MORC3: variants seen among roughly 807,000 people sequenced by gnomAD.
MORC3 encodes MORC family CW-type zinc finger 3.
In MORC3, 31 loss-of-function variants were observed where a neutral mutation model predicts 109.1. The observed-to-expected ratio is 0.28, with a 90% CI of 0.21 to 0.38. MORC3 has a LOEUF of 0.38. Among genes scored for constraint, MORC3 ranks in the 10% least tolerant of loss-of-function variants. MORC3 has a pLI of 1.00. For synonymous variants in MORC3, 395 were observed against 380.7 expected (o/e 1.04, Z -0.44); for missense variants, 867 against 1,135.8 (o/e 0.76, Z 3.40).
intron 2 of MORC3, 86 bp downstream of exon 2, chr21:36,333,804 A>G (rs981323250): frequency 1.8e-6 from 2 of 1,117,728 alleles, no homozygotes; most frequent in East Asian, 2.4e-5. Context: ...TTTTTTTTAA[A>G]CAGAGTCTCT....
At chr21:36,344,255 G>A (rs2085483718) in intron 6 of MORC3, among the ~76,000 whole-genome samples, 2 of 150,252 alleles carry the variant, frequency 1.3e-5, no homozygotes, top group African/African-American at 2.4e-5. Flanking sequence ...GTACCTTTTT[G>A]TACATATATA....
chr21:36,343,710 G>A (rs996910301), intron 6 of MORC3, among the ~76,000 whole-genome samples: 118 of 152,002 alleles, frequency 7.8e-4, no homozygotes, highest in Non-Finnish European at 2.9e-4. Context: ...GCCTCCCAAA[G>A]TGCTGGGATT....
At chr21:36,340,748 T>C (rs533996902) in intron 5 of MORC3, among the ~76,000 whole-genome samples, 10 of 151,898 alleles carry the variant, frequency 6.6e-5, no homozygotes, top group Non-Finnish European at 1.3e-4. Context: ...GCGATTCTGC[T>C]GCCTCATCCT....
chr21:36,346,761 A>T lies in MORC3; in HGVS notation c.1005+1730A>T, dbSNP rs182014483. On this transcript the variant is annotated intron_variant, in intron 8 of 16. Coordinates refer to ENST00000400485, the MANE Select transcript of MORC3 (RefSeq NM_015358.3). The stretch of plus-strand genomic sequence containing the variant: ...GAAGTTGAGGCTGTAGTGAGCCAAA[A>T]TTGTGCCTCTGCTTTTCAGTCTAGG... Among the ~76,000 whole-genome samples, 40 of 151,928 alleles carry T rather than the reference A, an allele frequency of 2.6e-4. 1 individual carries two copies. In the East Asian group the frequency reaches 5.5e-3, roughly 21 times the overall value.
chr21:36,337,434 T>C (rs980636716), intron 3 of MORC3, among the ~76,000 whole-genome samples: 6 of 152,188 alleles, frequency 3.9e-5, no homozygotes, highest in African/African-American at 1.4e-4. Context: ...GTTTGCATGT[T>C]AGTACTTGTG....
chr21:36,345,927 T>G (rs1167928679), intron 8 of MORC3, among the ~76,000 whole-genome samples: 1 of 152,100 alleles, frequency 6.6e-6, no homozygotes, highest in Non-Finnish European at 1.5e-5. Flanking sequence ...CTGCAGCCTC[T>G]GACTCCCAGG....
At chr21:36,324,379 GC>G (rs2085226020) in intron 1 of MORC3, among the ~76,000 whole-genome samples, 1 of 151,258 alleles carries the variant, frequency 6.6e-6, no homozygotes, top group East Asian at 2.0e-4. Context: ...CCAGGTTCAC[GC>G]CATTCTCCTG....
Position 36,337,804 on chromosome 21 carries a change from G to T in MORC3, c.318G>T (p.Ser106=). The change falls in exon 4 of 17, where the codon TCG becomes TCT. Residue 106 remains serine, a synonymous_variant. Coordinates refer to ENST00000400485, the MANE Select transcript of MORC3 (RefSeq NM_015358.3). Reference sequence around the variant, plus strand: ...GATTATATGGGAATGGCTTCAAGTCGGGTTCTATGCGTCTGGGTAAAGACG... The same window carrying T: ...GATTATATGGGAATGGCTTCAAGTCTGGTTCTATGCGTCTGGGTAAAGACG... ...PVGLYGNGFK[S]GSMRLGKDAI... The T allele has an allele frequency of 1.2e-6, 2 of 1,614,090 alleles. No individual in the cohort carries two copies. Among genetic ancestry groups the T allele is most frequent in the Non-Finnish European group, 1.7e-6 (2 of 1,180,014 alleles).
chr21:36,344,818 T>C (rs1343400396), intron 7 of MORC3, 94 bp from the exon 8 acceptor site: 4 of 1,595,080 alleles, frequency 2.5e-6, no homozygotes, highest in Non-Finnish European at 3.4e-6. Context: ...TTTGCCCTCC[T>C]TTGTGTGCTT....
chr21:36,350,031 G>A (rs900012410), intron 9 of MORC3, among the ~76,000 whole-genome samples: 1 of 152,188 alleles, frequency 6.6e-6, no homozygotes, highest in Non-Finnish European at 1.5e-5. Context: ...TCAGCCAGGT[G>A]CAGTGGCTCT....
intron 13 of MORC3, 80 bp from the exon 14 acceptor site, chr21:36,364,013 A>G (rs1027502174): frequency 5.2e-5 from 73 of 1,416,264 alleles, no homozygotes; most frequent in Middle Eastern, 1.9e-4. Context: ...ATAAGGGGGA[A>G]GAGGAAGATT....
intron 12 of MORC3, chr21:36,360,883 C>G (rs2085705739): frequency 6.6e-6 from 1 of 152,082 alleles, no homozygotes; most frequent in South Asian, 2.1e-4. Context: ...ACCAGCTTGG[C>G]AAACGTGGTG....
intron 14 of MORC3, 98 bp downstream of exon 14, chr21:36,364,357 T>A (rs1279671229): frequency 1.5e-6 from 2 of 1,299,294 alleles, no homozygotes; most frequent in Non-Finnish European, 2.2e-6. Context: ...CATTGTAGGT[T>A]CCATTGTGAA....
Position 36,337,732 on chromosome 21 carries a change from C to T in MORC3, c.246C>T (p.Ser82=), listed in dbSNP as rs768463372. 94 of 1,588,102 alleles carry T rather than the reference C, an allele frequency of 5.9e-5. No individual in the cohort carries two copies. Among genetic ancestry groups the T allele is most frequent in the Non-Finnish European group, 7.6e-5 (89 of 1,166,812 alleles). ...TTAAAAATCTTTATTTTCTTCTTAG[C>T]TTTGGCTTCAGTGACAAAGTCACCA... ...MTSDKLHKML[S]FGFSDKVTMN... is the part of the protein sequence containing the mutation. Residue 82 remains serine (S), a splice_region_variant and synonymous_variant, in exon 4 of 17, where the codon AGC becomes AGT. Coordinates refer to ENST00000400485, the MANE Select transcript of MORC3 (RefSeq NM_015358.3).
At chr21:36,357,729 GGGTTTTTTTTTTTTT>G (rs755209618) in intron 10 of MORC3, among the ~76,000 whole-genome samples, 342 of 148,848 alleles carry the variant, frequency 2.3e-3, no homozygotes, top group African/African-American at 7.8e-3. Context: ...TTGGTTGGTT[GGGTTTTTTTTTTTTT>G]GGTTTTTTTT....
intron 6 of MORC3, among the ~76,000 whole-genome samples, chr21:36,342,906 C>T (rs1031498836): frequency 2.0e-5 from 3 of 151,462 alleles, no homozygotes; most frequent in African/African-American, 4.8e-5. Context: ...GTGATCCCAG[C>T]GGCTTGGGAG....
intron 1 of MORC3, among the ~76,000 whole-genome samples, chr21:36,327,367 A>G (rs765781911): frequency 9.6e-5 from 14 of 145,538 alleles, no homozygotes; most frequent in Non-Finnish European, 1.8e-4. Context: ...CATGTTGGCC[A>G]GGCTCGTCTC....
chr21:36,354,323 C>CT (rs144208712), intron 9 of MORC3, among the ~76,000 whole-genome samples: 67,071 of 113,676 alleles, frequency 0.59, 21,008 homozygotes, highest in East Asian at 0.95. Context: ...TTCTTTCTTT[C>CT]TTTTTTTTTT....
intron 10 of MORC3, among the ~76,000 whole-genome samples, chr21:36,357,746 G>GTT (rs569430564): frequency 2.9e-5 from 4 of 139,686 alleles, no homozygotes; most frequent in Admixed American, 7.1e-5. Flanking sequence ...TTTTTTTTTG[G>GTT]TTTTTTTTTT....
Sources: gnomAD v4.1 joint callset for allele counts (sites outside exome capture counted in the v4.1 genomes callset) on GRCh38, gnomAD v4.1.1 for gene constraint, MANE v1.5 for transcripts, NCBI Gene and HGNC (gene_info 2026-07-23, HGNC 2026-07-21) for gene names.